CEP85L: variants seen among roughly 807,000 people sequenced by gnomAD.
The protein encoded by CEP85L is centrosomal protein 85L.
CEP85L carries 60 observed loss-of-function variants against 100.3 expected under a neutral mutation model. The observed-to-expected ratio is 0.60, with a 90% CI of 0.49 to 0.74. The LOEUF is 0.74. Among genes scored for constraint, CEP85L ranks in the 30% least tolerant of loss-of-function variants. The pLI, the probability that CEP85L is intolerant of heterozygous loss-of-function variation, is 0.00. For synonymous variants in CEP85L, 319 were observed against 322.7 expected (o/e 0.99, Z 0.12); for missense variants, 973 against 936.2 (o/e 1.04, Z -0.51).
intron 1 of CEP85L, among the ~76,000 whole-genome samples, chr6:118,660,425 G>T (rs771559266): frequency 1.3e-5 from 2 of 152,206 alleles, no homozygotes; most frequent in Non-Finnish European, 2.9e-5. Context: ...AGCTGGGGGA[G>T]TTGGCAGATT....
At chr6:118,552,775 T>C (rs1207255541) in intron 3 of CEP85L, among the ~76,000 whole-genome samples, 1 of 151,988 alleles carries the variant, frequency 6.6e-6, no homozygotes, top group African/African-American at 2.4e-5. Context: ...CTCATTCCCC[T>C]AAAAAGTAGA....
chr6:118,672,444 A>G (rs1776337333), intron 1 of CEP85L, among the ~76,000 whole-genome samples: 1 of 152,156 alleles, frequency 6.6e-6, no homozygotes, highest in South Asian at 2.1e-4. Context: ...CGATATAAAG[A>G]TATTAATAAA....
chr6:118,475,347 A>ATAT (rs1470175603), intron 10 of CEP85L, among the ~76,000 whole-genome samples: 2 of 79,038 alleles, frequency 2.5e-5, no homozygotes, highest in Non-Finnish European at 5.5e-5. Flanking sequence ...TGTAGGTGAC[A>ATAT]TTTTTTTTTT....
intron 4 of CEP85L, 69 bp from the exon 5 acceptor site, chr6:118,511,484 C>T (rs1775967420): frequency 6.6e-6 from 6 of 916,026 alleles, no homozygotes; most frequent in Middle Eastern, 2.2e-4. Context: ...CCTTAAGGAG[C>T]TTATTCCTCT....
At chr6:118,474,780 C>CTTCT (rs1195680213) in intron 10 of CEP85L, among the ~76,000 whole-genome samples, 18 of 152,176 alleles carry the variant, frequency 1.2e-4, no homozygotes, top group Non-Finnish European at 2.2e-4. Context: ...TCATTTGCAA[C>CTTCT]AGTGTGATGA....
At chr6:118,689,656 G>A (rs991618973) in intron 1 of CEP85L, among the ~76,000 whole-genome samples, 2 of 152,156 alleles carry the variant, frequency 1.3e-5, no homozygotes, top group South Asian at 2.1e-4. Context: ...CAGCCTTATC[G>A]TTTCCAAGCT....
At chr6:118,629,282 T>C (rs2115309688) in intron 2 of CEP85L, among the ~76,000 whole-genome samples, 1 of 152,308 alleles carries the variant, frequency 6.6e-6, no homozygotes, top group Admixed American at 6.5e-5. Flanking sequence ...AAAAGACATG[T>C]TCGATAAAGG....
chr6:118,581,746 T>C (rs527801413), intron 2 of CEP85L, among the ~76,000 whole-genome samples: 1 of 152,266 alleles, frequency 6.6e-6, no homozygotes, highest in Non-Finnish European at 1.5e-5. Context: ...ACAGATCGTC[T>C]TCAGCATGCA....
intron 3 of CEP85L, among the ~76,000 whole-genome samples, chr6:118,558,319 A>C (rs2114964459): frequency 6.6e-6 from 1 of 152,284 alleles, no homozygotes; most frequent in Non-Finnish European, 1.5e-5. Flanking sequence ...TTAATATTAG[A>C]AGTGTTTGGG....
intron 1 of CEP85L, among the ~76,000 whole-genome samples, 162 bp from the exon 2 acceptor site, chr6:118,632,773 A>G (rs1774247290): frequency 1.3e-5 from 2 of 152,270 alleles, no homozygotes; most frequent in Admixed American, 6.5e-5. Flanking sequence ...ATAAATGTAT[A>G]TATCACACAT....
intron 3 of CEP85L, among the ~76,000 whole-genome samples, chr6:118,554,238 G>A (rs968895446): frequency 8.5e-5 from 13 of 152,114 alleles, no homozygotes; most frequent in African/African-American, 3.1e-4. Context: ...AGTGAGCCAC[G>A]ATTGCACAAC....
chr6:118,470,253 C>T (rs1435171141), intron 11 of CEP85L, among the ~76,000 whole-genome samples: 2 of 151,984 alleles, frequency 1.3e-5, no homozygotes, highest in African/African-American at 4.8e-5. Context: ...TTCAGAATAA[C>T]TCAATAGCCT....
At chr6:118,528,613 T>C (rs902845709) in intron 3 of CEP85L, among the ~76,000 whole-genome samples, 3 of 152,172 alleles carry the variant, frequency 2.0e-5, no homozygotes, top group African/African-American at 7.2e-5. Context: ...AAATAGTTAA[T>C]AGAGAGAACA....
intron 2 of CEP85L, among the ~76,000 whole-genome samples, chr6:118,580,221 A>G (rs1422910876): frequency 6.6e-6 from 1 of 152,142 alleles, no homozygotes; most frequent in Non-Finnish European, 1.5e-5. Flanking sequence ...CCGATTTATT[A>G]AACTCTCTCC....
intron 2 of CEP85L, among the ~76,000 whole-genome samples, chr6:118,582,233 G>A (rs1780617300): frequency 6.6e-6 from 1 of 152,190 alleles, no homozygotes. Context: ...TAGGAATGGT[G>A]CCATGAGGGT....
intron 6 of CEP85L, among the ~76,000 whole-genome samples, chr6:118,489,962 CACAT>C (rs1013466317): frequency 6.6e-6 from 1 of 150,616 alleles, no homozygotes; most frequent in African/African-American, 2.5e-5. Context: ...TGCACACACA[CACAT>C]ACGTGTGTGT....
At chr6:118,562,815 G>T (rs923165945) in intron 3 of CEP85L, among the ~76,000 whole-genome samples, 5 of 152,160 alleles carry the variant, frequency 3.3e-5, no homozygotes, top group African/African-American at 1.2e-4. Flanking sequence ...GGGAAAAAAG[G>T]ATAAACAACT....
intron 2 of CEP85L, among the ~76,000 whole-genome samples, chr6:118,581,587 A>G (rs1398526989): frequency 6.6e-6 from 1 of 152,080 alleles, no homozygotes; most frequent in African/African-American, 2.4e-5. Context: ...CAGGCGGCAC[A>G]TTTAACTGGG....
At chr6:118,563,863 G>C (rs1409521895) in intron 3 of CEP85L, among the ~76,000 whole-genome samples, 3 of 152,116 alleles carry the variant, frequency 2.0e-5, no homozygotes, top group African/African-American at 7.2e-5. Flanking sequence ...TTTTTCTGTA[G>C]TTTTCTAAGG....
Sources: allele counts gnomAD v4.1 joint callset (sites outside exome capture counted in the v4.1 genomes callset), GRCh38; gene constraint gnomAD v4.1.1; transcripts MANE v1.5; gene names NCBI Gene and HGNC (gene_info 2026-07-23, HGNC 2026-07-21).